The following DLGAP3 variants were observed in gnomAD, a reference collection of about 807,000 sequenced individuals.
DLGAP3 encodes disks large-associated protein 3.
In DLGAP3, 17 loss-of-function variants were observed where a neutral mutation model predicts 81.2. That is an observed-to-expected ratio of 0.21 (90% CI 0.14 to 0.31). The LOEUF is 0.31. Ranked by LOEUF, DLGAP3 falls within the 10% of genes least tolerant of loss-of-function variation. The pLI, the probability that DLGAP3 is intolerant of heterozygous loss-of-function variation, is 1.00. For synonymous variants in DLGAP3, 577 were observed against 587.4 expected, an observed-to-expected ratio of 0.98 and a Z score of 0.26; for missense variants, 1,124 against 1,388.0, an observed-to-expected ratio of 0.81 and a Z score of 3.02.
intron 8 of DLGAP3, among the ~76,000 whole-genome samples, chr1:34,883,479 C>T (rs556891719): frequency 1.8e-4 from 28 of 152,268 alleles, no homozygotes; most frequent in African/African-American, 6.5e-4. Flanking sequence ...GCTTGGTGGT[C>T]CATGGGATAG....
chr1:34,911,840 G>A (rs572769435), intron 1 of DLGAP3, among the ~76,000 whole-genome samples: 2 of 152,328 alleles, frequency 1.3e-5, no homozygotes, highest in African/African-American at 4.8e-5. Context: ...GAAAAAGAAG[G>A]AAAATGGGAG....
rs141731798 is a variant in DLGAP3 at position 34,888,334 on chromosome 1, T to C, written c.1387-2049A>G. ...ACAAGACCCAGAGAGGGCAGGTGAATTGTCTGAGGATGCCCAGCTGGTAGG... is the reference window on the plus strand; with the variant it reads ...ACAAGACCCAGAGAGGGCAGGTGAACTGTCTGAGGATGCCCAGCTGGTAGG... On this transcript the variant is annotated intron_variant, in intron 5 of 11. Transcript: ENST00000373347. Among the ~76,000 whole-genome samples, 463 of 152,322 alleles carry C rather than the reference T, an allele frequency of 3.0e-3. 4 individuals are homozygous for C. The highest frequency in any genetic ancestry group is 0.011 in the African/African-American group (440 of 41,562).
chr1:34,903,849 A>G (rs1639500850), intron 3 of DLGAP3, among the ~76,000 whole-genome samples: 1 of 152,244 alleles, frequency 6.6e-6, no homozygotes, highest in South Asian at 2.1e-4. Flanking sequence ...TCCGGATTAT[A>G]GCAGAAAAGA....
rs765923493 is a variant in DLGAP3, at chr1:34,866,279, G to C, written c.2744C>G (p.Pro915Arg). ...GCCCCGCAGGGGCTTCTTTGGTATC[G>C]GCGGAGGGACCTTCTTCTCCTCCTG... Reference protein sequence around the residue: ...EPKEEKKVPPPIPKKPLRGRG... With the variant: ...EPKEEKKVPPRIPKKPLRGRG... The change falls in exon 12 of 12, where the codon CCG becomes CGG. Residue 915 changes from proline to arginine, a missense_variant. Coordinates refer to ENST00000373347, the MANE Select transcript of DLGAP3 (RefSeq NM_001080418.3). 8 of 1,537,232 alleles carry C rather than the reference G, an allele frequency of 5.2e-6. No homozygotes were observed. The highest frequency in any genetic ancestry group is 1.2e-5 in the South Asian group (1 of 84,424).
In DLGAP3 at chr1:34,868,120, G is replaced by A. The variant is rs1402349783; in HGVS notation, c.2485+485C>T. ...TGGGGTAAGACTGTGTCTCCCAGTG[G>A]ATCTGACTTACAGGAAGGGCCATGC... is the stretch of plus-strand genomic sequence containing the variant. On this transcript the variant is annotated intron_variant, in intron 9 of 11. Coordinates refer to ENST00000373347, the MANE Select transcript of DLGAP3 (RefSeq NM_001080418.3). The surrounding 1 kb of genome is among the most constrained non-coding windows in gnomAD (Gnocchi z 7.5). Among the ~76,000 whole-genome samples, 1 of 152,148 alleles carries A rather than the reference G, an allele frequency of 6.6e-6. No individual in the cohort carries two copies. The highest frequency in any genetic ancestry group is 1.5e-5 in the Non-Finnish European group (1 of 68,026).
At chr1:34,890,605 G>C (rs1639296503) in intron 5 of DLGAP3, among the ~76,000 whole-genome samples, 1 of 152,320 alleles carries the variant, frequency 6.6e-6, no homozygotes, top group Non-Finnish European at 1.5e-5. Context: ...CTGCTATGCT[G>C]TGAGTAGCCC....
At position 34,904,406 on chromosome 1, in the gene DLGAP3, C is replaced by T. The variant is rs1288105545; in HGVS notation, c.978G>A (p.Ser326=). ...TGGTATGCCAGGCACTTCGCTTGAC[C>T]GACTGTCCATCCAGTGACATGGACA... The part of the protein sequence containing the change: ...TGMSMSLDGQ[S]VKRSAWHTMM... Residue 326 remains serine, a synonymous_variant, in exon 3 of 12, where the codon TCG becomes TCA. Coordinates refer to ENST00000373347, the MANE Select transcript of DLGAP3 (RefSeq NM_001080418.3). The surrounding 1 kb of genome is among the most constrained non-coding windows in gnomAD (Gnocchi z 8.1). 4 of 1,613,854 alleles carry T rather than the reference C, an allele frequency of 2.5e-6. No individual in the cohort carries two copies. The highest frequency in any genetic ancestry group is 3.4e-6 in the Non-Finnish European group (4 of 1,180,042).
chr1:34,901,312 G>T (rs924904657), intron 3 of DLGAP3, among the ~76,000 whole-genome samples: 2 of 152,192 alleles, frequency 1.3e-5, no homozygotes, highest in African/African-American at 4.8e-5. Context: ...GAAGTCACCT[G>T]AGAAGGAGTG....
At chr1:34,928,266 T>C (rs1639902376) in intron 1 of DLGAP3, among the ~76,000 whole-genome samples, 1 of 152,152 alleles carries the variant, frequency 6.6e-6, no homozygotes, top group South Asian at 2.1e-4. Context: ...CCACCTGCTC[T>C]GATGACTAAC....
intron 1 of DLGAP3, among the ~76,000 whole-genome samples, chr1:34,910,152 T>C (rs1639617528): frequency 6.6e-6 from 1 of 152,192 alleles, no homozygotes; most frequent in Admixed American, 6.5e-5. Context: ...AGTTCTGGCA[T>C]CATCGGGCCA....
chr1:34,921,322 C>T (rs1014464611), intron 1 of DLGAP3, among the ~76,000 whole-genome samples: 11 of 152,286 alleles, frequency 7.2e-5, no homozygotes, highest in African/African-American at 2.6e-4. Context: ...AGTGGGAAGA[C>T]CATCTGGAAC....
At chr1:34,922,023 C>G (rs1639803628) in intron 1 of DLGAP3, among the ~76,000 whole-genome samples, 1 of 152,128 alleles carries the variant, frequency 6.6e-6, no homozygotes. Flanking sequence ...CTTGGGCCCC[C>G]CTCTTACTCA....
Position 34,885,791 on chromosome 1 carries a change from G to A in DLGAP3, c.1601C>T (p.Ser534Phe). The A allele has an allele frequency of 7.1e-7, 1 of 1,409,292 alleles. No homozygotes were observed. Among genetic ancestry groups the A allele is most frequent in the Non-Finnish European group, 9.2e-7 (1 of 1,088,480 alleles). 87.3% of individuals were successfully genotyped at this position (1,409,292 alleles called of 1,614,324 possible). The change falls in exon 7 of 12, where the codon TCC (serine) becomes TTC (phenylalanine). Residue 534 changes from serine (S) to phenylalanine (F), a missense_variant and splice_region_variant. Transcript: ENST00000373347. ...GGGCGGGGCCTTTCTGAAGTTGAAG[G>A]CTGTGGCCGGCGAGCGCAGAGACGC... is the stretch of plus-strand genomic sequence containing the variant. ...PAAVSGRPGSSFNFRKAPPPI... is the reference protein window; with the variant it reads ...PAAVSGRPGSFFNFRKAPPPI...
intron 8 of DLGAP3, among the ~76,000 whole-genome samples, chr1:34,877,387 A>C (rs1002104420): frequency 1.3e-5 from 2 of 152,206 alleles, no homozygotes; most frequent in Non-Finnish European, 2.9e-5. Context: ...GGTTCAAATG[A>C]GTATTACCTG....
rs1348024744 is a variant in DLGAP3, at chr1:34,902,603, G to A, written c.1107+1674C>T. On this transcript the variant is annotated intron_variant, in intron 3 of 11. Coordinates refer to ENST00000373347, the MANE Select transcript of DLGAP3 (RefSeq NM_001080418.3). This position sits in a 1 kb window ranked among gnomAD's most constrained non-coding sequence, Gnocchi z 4.4. ...TAGCCCTTTGGTTCTTCCCCACATG[G>A]GCTCAGACTTCCCAGTCCTCAGATG... Among the ~76,000 whole-genome samples the A allele has an allele frequency of 1.3e-5, 2 of 152,018 alleles. No homozygotes were observed. The highest frequency in any genetic ancestry group is 2.9e-5 in the Non-Finnish European group (2 of 67,986).
chr1:34,889,262 TG>T (rs2148404234), intron 5 of DLGAP3, among the ~76,000 whole-genome samples: 1 of 152,314 alleles, frequency 6.6e-6, no homozygotes, highest in South Asian at 2.1e-4. Context: ...AACAACTCCC[TG>T]GGGTCATACA....
chr1:34,896,638 CTCTG>C (rs1023625373), intron 5 of DLGAP3, among the ~76,000 whole-genome samples: 20 of 151,506 alleles, frequency 1.3e-4, no homozygotes, highest in Non-Finnish European at 1.6e-4. Flanking sequence ...GTCCTATGGT[CTCTG>C]TATTGTTTAG....
At chr1:34,911,258 GCAAA>G (rs2148415776) in intron 1 of DLGAP3, among the ~76,000 whole-genome samples, 1 of 152,234 alleles carries the variant, frequency 6.6e-6, no homozygotes, top group African/African-American at 2.4e-5. Context: ...TTTTTTTAAA[GCAAA>G]CAAACAAATA....
intron 8 of DLGAP3, among the ~76,000 whole-genome samples, chr1:34,872,858 C>G (rs1294937968): frequency 6.6e-6 from 1 of 152,070 alleles, no homozygotes; most frequent in Non-Finnish European, 1.5e-5. Context: ...CTCCCAGAGC[C>G]CAGTTTGAAA....
Sources: allele counts gnomAD v4.1 joint callset (sites outside exome capture counted in the v4.1 genomes callset), GRCh38; gene constraint gnomAD v4.1.1; non-coding constraint Gnocchi (gnomAD v3.1); transcripts MANE v1.5; gene names NCBI Gene and HGNC (gene_info 2026-07-23, HGNC 2026-07-21).